IQANK1: variants seen among roughly 807,000 people sequenced by gnomAD.
IQANK1 encodes the protein IQ motif and ankyrin repeat domain-containing protein 1.
IQANK1 carries 30 observed loss-of-function variants against 22.6 expected under a neutral mutation model. The observed-to-expected ratio is 1.33, with a 90% CI of 0.99 to 1.80. The LOEUF is 1.80. IQANK1 is among the 40% of genes most tolerant of loss of function. IQANK1 has a pLI of 0.00. For missense variants in IQANK1, 275 were observed against 235.2 expected (o/e 1.17, Z -1.11); for synonymous variants, 122 against 99.6 (o/e 1.23, Z -1.34).
In IQANK1 at chr8:143,758,547, C is replaced by T. The variant is rs1819334203; in HGVS notation, c.176-12941C>T. The T allele has an allele frequency of 6.6e-6, 1 of 152,142 alleles. No individual in the cohort carries two copies. The allele number at this position is 152,142 out of a possible 1,614,324, so 9.4% of individuals were successfully genotyped here. On this transcript the variant is annotated intron_variant, in intron 3 of 13. Coordinates refer to ENST00000527139, the MANE Select transcript of IQANK1 (RefSeq NM_001381874.1). This position sits in a 1 kb window ranked among gnomAD's most constrained non-coding sequence, Gnocchi z 4.2. ...ATGAAACTTGAGAACACGAGAACAA[C>T]AAAAATACTTTCCTTGAACATTTTC...
rs1554628061 is a variant in IQANK1 at position 143,751,678 on chromosome 8, A to AT, written c.175+11730_175+11731insT. On this transcript the variant is annotated intron_variant, in intron 3 of 13. Transcript: ENST00000527139. ...TGTGTGTGTGTGTATATATATATAT[A>AT]AAATCCTATACAAAACAGACATAGA... is the stretch of plus-strand genomic sequence containing the variant. Among the ~76,000 whole-genome samples, 726 of 139,116 alleles carry AT rather than the reference A, an allele frequency of 5.2e-3. 44 individuals carry two copies. Among genetic ancestry groups the AT allele is most frequent in the Admixed American group, 0.049 (646 of 13,154 alleles). The allele number at this position is 139,116 out of a possible 152,430, so 91.3% of individuals were successfully genotyped here. A position where few individuals can be genotyped will look rare whatever the true frequency, so the allele number is the denominator to read the frequency against.
chr8:143,789,096 TGCTGGCAAGGGGC>T lies in IQANK1; in HGVS notation c.938+41_938+53del, dbSNP rs1439854303. 12 of 400,958 alleles carry T rather than the reference TGCTGGCAAGGGGC, an allele frequency of 3.0e-5. No individual in the cohort carries two copies. In the Admixed American group the frequency reaches 3.1e-4, roughly 10 times the overall value. The allele number at this position is 400,958 out of a possible 1,614,324, so 24.8% of individuals were successfully genotyped here. On this transcript the variant is annotated intron_variant, in intron 8 of 13. Transcript: ENST00000527139. ...GGGTGTGGGAGGTGCTGGCGAGGGGTGCTGGCAAGGGGCGCTGGCAGGGAGCCCGGGCAGGGGG... is the reference window on the plus strand; with the variant it reads ...GGGTGTGGGAGGTGCTGGCGAGGGGTGCTGGCAGGGAGCCCGGGCAGGGGG...
In IQANK1 at chr8:143,788,577, C is replaced by T. The variant is rs111551660; in HGVS notation, c.790-338C>T. Among the ~76,000 whole-genome samples, 1,318 of 152,326 alleles carry T rather than the reference C, an allele frequency of 8.7e-3. 15 individuals carry two copies. The highest frequency in any genetic ancestry group is 0.027 in the African/African-American group (1,129 of 41,576). On this transcript the variant is annotated intron_variant, in intron 7 of 13. Coordinates refer to ENST00000527139, the MANE Select transcript of IQANK1 (RefSeq NM_001381874.1). The stretch of plus-strand genomic sequence containing the variant: ...CAGCAGTGGCACCCAAGGCCTCAGG[C>T]GTGTACTTGAGTCTGACAGAGGCGG...
At chr8:143,738,315 C>T (rs1818798279) in intron 2 of IQANK1, among the ~76,000 whole-genome samples, 1 of 152,188 alleles carries the variant, frequency 6.6e-6, no homozygotes, top group African/African-American at 2.4e-5. Flanking sequence ...CTCAGGCCAG[C>T]TCAGAGGGCG....
chr8:143,770,516 T>C (rs7461872), intron 3 of IQANK1, among the ~76,000 whole-genome samples: 151,750 of 152,324 alleles, frequency 1, 75,593 homozygotes, highest in Non-Finnish European at 1. Context: ...GCCTGCAGGG[T>C]CTTCCGCGTC....
At chr8:143,738,030 C>T (rs1554625919) in intron 2 of IQANK1, among the ~76,000 whole-genome samples, 1 of 152,188 alleles carries the variant, frequency 6.6e-6, no homozygotes, top group African/African-American at 2.4e-5. Context: ...TGTGGCTGCT[C>T]TGGCCTGGCC....
chr8:143,763,446 G>A (rs1229522994), intron 3 of IQANK1, among the ~76,000 whole-genome samples: 1 of 152,154 alleles, frequency 6.6e-6, no homozygotes, highest in Non-Finnish European at 1.5e-5. Flanking sequence ...TCCAAATCTC[G>A]TATTGAAGTG....
At chr8:143,741,384 G>A (rs1216818123) in intron 3 of IQANK1, among the ~76,000 whole-genome samples, 2 of 152,184 alleles carry the variant, frequency 1.3e-5, no homozygotes, top group Non-Finnish European at 2.9e-5. Flanking sequence ...CTTCCCATCA[G>A]GAGCCTGTAC....
intron 3 of IQANK1, among the ~76,000 whole-genome samples, chr8:143,749,360 AATAT>A (rs1292728970): frequency 3.1e-5 from 4 of 131,000 alleles, no homozygotes; most frequent in African/African-American, 3.0e-5. Context: ...AATATATAAA[AATAT>A]ATAAATATAT....
At chr8:143,744,877 C>T in intron 3 of IQANK1, 1 of 152,224 alleles carries the variant, frequency 6.6e-6, no homozygotes, top group East Asian at 1.9e-4. Context: ...CCCACTGGAC[C>T]CACTAGAGAT....
At chr8:143,740,590 C>G (rs1818881698) in intron 3 of IQANK1, among the ~76,000 whole-genome samples, 1 of 152,262 alleles carries the variant, frequency 6.6e-6, no homozygotes, top group Non-Finnish European at 1.5e-5. Flanking sequence ...ACGGTTCCGC[C>G]TGCTCTTCCC....
At chr8:143,748,667 AATAT>A (rs1412116146) in intron 3 of IQANK1, among the ~76,000 whole-genome samples, 2 of 97,460 alleles carry the variant, frequency 2.1e-5, no homozygotes, top group East Asian at 4.5e-4. Context: ...ATCATATATA[AATAT>A]ATAAATATAT....
At chr8:143,778,545 C>A (rs1346230488) in intron 7 of IQANK1, among the ~76,000 whole-genome samples, 4 of 152,170 alleles carry the variant, frequency 2.6e-5, no homozygotes, top group Non-Finnish European at 5.9e-5. Context: ...ATAAAGAGAT[C>A]CACAATGGTA....
intron 3 of IQANK1, among the ~76,000 whole-genome samples, chr8:143,740,661 G>T (rs1266374859): frequency 1.3e-5 from 2 of 152,204 alleles, no homozygotes; most frequent in African/African-American, 2.4e-5. Flanking sequence ...ACCCTGGTGC[G>T]CCCCTGCTGG....
chr8:143,789,273 A>G (rs1819963677), intron 9 of IQANK1, 30 bp downstream of exon 9: 3 of 402,224 alleles, frequency 7.5e-6, no homozygotes, highest in African/African-American at 2.1e-5. Context: ...GGAGCCAGGA[A>G]AGGAGGAGGG....
intron 7 of IQANK1, among the ~76,000 whole-genome samples, chr8:143,782,944 T>C (rs1328149784): frequency 6.6e-6 from 1 of 152,248 alleles, no homozygotes; most frequent in African/African-American, 2.4e-5. Flanking sequence ...AGCTGTTCTT[T>C]GGTATCTGGC....
At position 143,789,468 on chromosome 8, in the gene IQANK1, G is replaced by A. The variant is rs1022338273; in HGVS notation, c.1026G>A (p.Arg342=). 4.1e-5 allele frequency: 50 copies of A among 1,232,134 alleles called. No individual in the cohort carries two copies. Among genetic ancestry groups the A allele is most frequent in the African/African-American group, 7.8e-5 (5 of 64,412 alleles). 76.3% of individuals were successfully genotyped at this position (1,232,134 alleles called of 1,614,324 possible). The part of the protein sequence containing the change: ...LQQAYCELSR[R]ISEHDQCEWR... The stretch of plus-strand genomic sequence containing the variant: ...AGGCCTACTGTGAGCTTAGCCGGAG[G>A]ATCTCAGAGCACGACCAGTGTGAGT... Residue 342 remains arginine, a synonymous_variant, in exon 10 of 14, where the codon AGG becomes AGA. Coordinates refer to ENST00000527139, the MANE Select transcript of IQANK1 (RefSeq NM_001381874.1).
In IQANK1 at chr8:143,772,164, C is replaced by CGCTGTCGGAG; in HGVS notation, c.587_596dup (p.Ala200ValfsTer66). 2.5e-6 allele frequency: 1 copy of CGCTGTCGGAG among 394,314 alleles called. No individual in the cohort carries two copies. The highest frequency in any genetic ancestry group is 3.6e-5 in the East Asian group (1 of 27,732). 24.4% of individuals were successfully genotyped at this position (394,314 alleles called of 1,614,324 possible). On this transcript the variant is annotated frameshift_variant, in exon 6 of 14. Coordinates refer to ENST00000527139, the MANE Select transcript of IQANK1 (RefSeq NM_001381874.1). LOFTEE classifies it high-confidence loss of function. ...TGCGAGGACAGCTACGGGAACACGCCGCTGTCGGAGGCGGCCGCAGGCGGG... is the reference window on the plus strand; with the variant it reads ...TGCGAGGACAGCTACGGGAACACGCCGCTGTCGGAGGCTGTCGGAGGCGGCCGCAGGCGGG...
intron 3 of IQANK1, among the ~76,000 whole-genome samples, chr8:143,770,779 C>T (rs1819556581): frequency 6.6e-6 from 1 of 152,282 alleles, no homozygotes; most frequent in East Asian, 1.9e-4. Context: ...GGAAGCGCCA[C>T]AAGCGCCCCA....
Sources: allele counts gnomAD v4.1 joint callset (sites outside exome capture counted in the v4.1 genomes callset), GRCh38; gene constraint gnomAD v4.1.1; non-coding constraint Gnocchi (gnomAD v3.1); transcripts MANE v1.5; gene names NCBI Gene and HGNC (gene_info 2026-07-23, HGNC 2026-07-21).